Variants in NCKAP5 observed in about 807,000 individuals in gnomAD.
The protein encoded by NCKAP5 is nck-associated protein 5.
A neutral mutation model predicts 167.0 loss-of-function variants in NCKAP5; 92 were observed. That is an observed-to-expected ratio of 0.55 (90% CI 0.47 to 0.66). The LOEUF is 0.66. NCKAP5 is among the 30% of genes least tolerant of loss of function. The pLI, the probability that NCKAP5 is intolerant of heterozygous loss-of-function variation, is 0.00. For synonymous variants in NCKAP5, 891 were observed against 877.4 expected, an observed-to-expected ratio of 1.02 and a Z score of -0.27; for missense variants, 2,378 against 2,315.0, an observed-to-expected ratio of 1.03 and a Z score of -0.56.
chr2:133,240,174 G>T (rs1239792338), intron 4 of NCKAP5, among the ~76,000 whole-genome samples: 2 of 151,962 alleles, frequency 1.3e-5, no homozygotes, highest in African/African-American at 4.8e-5. Context: ...TCTCCTAAAG[G>T]CTAAAATCCA....
intron 16 of NCKAP5, among the ~76,000 whole-genome samples, chr2:132,771,765 C>G (rs183354803): frequency 0.01 from 1,520 of 151,696 alleles, 26 homozygotes; most frequent in African/African-American, 0.035. Context: ...CTCTGCCTCC[C>G]GGGTTCACAC....
At chr2:133,511,956 G>A (rs965252038) in intron 3 of NCKAP5, among the ~76,000 whole-genome samples, 8 of 152,154 alleles carry the variant, frequency 5.3e-5, no homozygotes, top group African/African-American at 1.9e-4. Context: ...ACTGAGATTA[G>A]ACTAGCTGGA....
intron 19 of NCKAP5, among the ~76,000 whole-genome samples, chr2:132,680,207 G>T (rs1326144957): frequency 6.6e-6 from 1 of 152,012 alleles, no homozygotes; most frequent in Non-Finnish European, 1.5e-5. Context: ...CTCTTGACTT[G>T]CCCTTCTGAA....
chr2:133,444,353 AAGATAGATAGATAGATAGAT>A lies in NCKAP5; in HGVS notation c.69+73085_69+73104del, dbSNP rs3085736. Among the ~76,000 whole-genome samples the A allele has an allele frequency of 1.4e-3, 208 of 147,804 alleles. 2 individuals carry two copies. The highest frequency in any genetic ancestry group is 0.01 in the Middle Eastern group (3 of 286). On this transcript the variant is annotated intron_variant, in intron 3 of 19. Coordinates refer to ENST00000409261, the MANE Select transcript of NCKAP5 (RefSeq NM_207363.3). ...CAAATAGCTTTTAAAGACAAAAACA[AAGATAGATAGATAGATAGAT>A]AGATAGATAGATAGATAGATAGATA...
chr2:133,503,677 G>A (rs1173914827), intron 3 of NCKAP5, among the ~76,000 whole-genome samples: 4 of 152,080 alleles, frequency 2.6e-5, no homozygotes, highest in East Asian at 1.9e-4. Flanking sequence ...ATGGGGATCC[G>A]GTAACCATAT....
intron 8 of NCKAP5, among the ~76,000 whole-genome samples, chr2:132,917,996 G>T (rs926542310): frequency 3.3e-5 from 5 of 152,108 alleles, no homozygotes; most frequent in African/African-American, 9.7e-5. Context: ...TTAAAATGCT[G>T]TCCATGCCTT....
At chr2:132,919,477 A>T (rs1421047683) in intron 8 of NCKAP5, among the ~76,000 whole-genome samples, 1 of 152,160 alleles carries the variant, frequency 6.6e-6, no homozygotes, top group African/African-American at 2.4e-5. Context: ...GCCACCGCTG[A>T]CAGAGAGTCA....
chr2:133,328,823 G>A (rs1682634269), intron 3 of NCKAP5, among the ~76,000 whole-genome samples: 1 of 152,126 alleles, frequency 6.6e-6, no homozygotes, highest in Non-Finnish European at 1.5e-5. Context: ...AACCTCAGAT[G>A]AGCAGTTCTG....
the NCKAP5 span, among the ~76,000 whole-genome samples, chr2:133,616,627 C>T: frequency 6.6e-6 from 1 of 151,924 alleles, no homozygotes; most frequent in African/African-American, 2.4e-5. Context: ...CTGAATAGAC[C>T]AATAACAGGA....
intron 3 of NCKAP5, among the ~76,000 whole-genome samples, chr2:133,454,645 T>C (rs1196755152): frequency 6.6e-6 from 1 of 152,052 alleles, no homozygotes; most frequent in Non-Finnish European, 1.5e-5. Context: ...AAAATAATCA[T>C]ACCTATCATA....
intron 2 of NCKAP5, among the ~76,000 whole-genome samples, chr2:133,528,891 T>G (rs1162057348): frequency 6.6e-6 from 1 of 152,214 alleles, no homozygotes; most frequent in Non-Finnish European, 1.5e-5. Context: ...GGTCACATTG[T>G]CTTTCGGAAG....
At chr2:132,945,588 T>C (rs1697657465) in intron 8 of NCKAP5, among the ~76,000 whole-genome samples, 1 of 152,156 alleles carries the variant, frequency 6.6e-6, no homozygotes, top group Non-Finnish European at 1.5e-5. Flanking sequence ...GTCAACATCC[T>C]TAATGGGTCA....
the NCKAP5 span, among the ~76,000 whole-genome samples, chr2:133,643,818 C>T: frequency 6.6e-6 from 1 of 152,176 alleles, no homozygotes; most frequent in East Asian, 1.9e-4. Context: ...GAGACAGGTG[C>T]AATTCTTGAA....
In NCKAP5 at chr2:132,860,376, T is replaced by C. The variant is rs1014702280; in HGVS notation, c.807+116A>G. ...TGACATAACTTGAGAAAGGAAAGAA[T>C]TGGGATTCTGATGCAATATGCCTTG... is the stretch of plus-strand genomic sequence containing the variant. On this transcript the variant is annotated intron_variant, in intron 11 of 19. Transcript: ENST00000409261. 8 of 1,185,384 alleles carry C rather than the reference T, an allele frequency of 6.7e-6. No individual in the cohort carries two copies. The African/African-American group carries it at 9.3e-5, about 14-fold the overall frequency. The allele number at this position is 1,185,384 out of a possible 1,614,324, so 73.4% of individuals were successfully genotyped here.
At chr2:133,646,251 C>G in the NCKAP5 span, among the ~76,000 whole-genome samples, 1 of 151,500 alleles carries the variant, frequency 6.6e-6, no homozygotes, top group African/African-American at 2.4e-5. Context: ...AAAATAAAAC[C>G]ACTATCTTAT....
chr2:133,142,966 G>A lies in NCKAP5; in HGVS notation c.208-12855C>T, dbSNP rs76233614. On this transcript the variant is annotated intron_variant, in intron 5 of 19. Transcript: ENST00000409261. Reference sequence around the variant, plus strand: ...CTTTTTATAAGCTCAAAATTAAACTGCTGCATGAAGATGGAAAAGTGATTT... The same window carrying A: ...CTTTTTATAAGCTCAAAATTAAACTACTGCATGAAGATGGAAAAGTGATTT... Among the ~76,000 whole-genome samples, 969 of 152,138 alleles carry A rather than the reference G, an allele frequency of 6.4e-3. 17 individuals are homozygous for A. Among genetic ancestry groups the A allele is most frequent in the African/African-American group, 0.022 (919 of 41,504 alleles).
intron 16 of NCKAP5, among the ~76,000 whole-genome samples, chr2:132,757,848 G>A (rs1680677162): frequency 6.6e-6 from 1 of 152,202 alleles, no homozygotes; most frequent in Non-Finnish European, 1.5e-5. Flanking sequence ...TAGCTGACTA[G>A]AATCTGCACA....
intron 10 of NCKAP5, among the ~76,000 whole-genome samples, chr2:132,865,555 C>A (rs1690274904): frequency 6.6e-6 from 1 of 152,226 alleles, no homozygotes; most frequent in South Asian, 2.1e-4. Flanking sequence ...ATAAGCAATA[C>A]TTCCAGAAGT....
intron 3 of NCKAP5, among the ~76,000 whole-genome samples, chr2:133,396,258 C>T (rs1687724354): frequency 1.3e-5 from 2 of 152,140 alleles, no homozygotes; most frequent in Middle Eastern, 3.4e-3. Flanking sequence ...TAAGCATAAG[C>T]ATAAATCTCA....
Sources: allele counts gnomAD v4.1 joint callset (sites outside exome capture counted in the v4.1 genomes callset), GRCh38; gene constraint gnomAD v4.1.1; transcripts MANE v1.5; gene names NCBI Gene and HGNC (gene_info 2026-07-23, HGNC 2026-07-21).